PLEKHA8: variants seen among roughly 807,000 people sequenced by gnomAD.
The protein encoded by PLEKHA8 is pleckstrin homology domain-containing family A member 8.
In PLEKHA8, 36 loss-of-function variants were observed where a neutral mutation model predicts 68.2. The observed-to-expected ratio is 0.53, with a 90% CI of 0.40 to 0.70. The LOEUF (loss-of-function observed/expected upper bound fraction) is 0.70, where lower values mean the gene tolerates loss of function less well. Ranked by LOEUF, PLEKHA8 falls within the 30% of genes least tolerant of loss-of-function variation. PLEKHA8 has a pLI of 0.00. For missense variants in PLEKHA8, 505 were observed against 615.4 expected (o/e 0.82, Z 1.90); for synonymous variants, 211 against 216.1 (o/e 0.98, Z 0.20).
downstream of PLEKHA8, among the ~76,000 whole-genome samples, chr7:30,089,287 A>G (rs11982167): frequency 0.14 from 21,529 of 151,904 alleles, 1,559 homozygotes; most frequent in Middle Eastern, 0.19. Flanking sequence ...TCACTTATCC[A>G]AGTGTCTCAT....
At chr7:30,043,192 C>T (rs532176618) in intron 1 of PLEKHA8, among the ~76,000 whole-genome samples, 16 of 152,206 alleles carry the variant, frequency 1.1e-4, no homozygotes, top group South Asian at 6.2e-4. Context: ...AGATGGGTTT[C>T]GCCATTGTTG....
chr7:30,054,570 T>G, intron 7 of PLEKHA8, 139 bp from the exon 8 acceptor site: 1 of 486,904 alleles, frequency 2.1e-6, no homozygotes, highest in Non-Finnish European at 3.2e-6. Context: ...TGTAGATGTA[T>G]GTTTATGTAT....
intron 9 of PLEKHA8, among the ~76,000 whole-genome samples, chr7:30,059,017 A>T (rs1793221205): frequency 6.6e-6 from 1 of 152,212 alleles, no homozygotes; most frequent in Non-Finnish European, 1.5e-5. Context: ...GCTACTTGGG[A>T]GGCTGATGCA....
intron 9 of PLEKHA8, among the ~76,000 whole-genome samples, chr7:30,056,074 C>T (rs192033788): frequency 0.01 from 1,530 of 150,714 alleles, 17 homozygotes; most frequent in East Asian, 0.04. Flanking sequence ...TCCCGAGTAG[C>T]TGGGACTTCA....
At chr7:30,069,453 T>C (rs896398390) in intron 12 of PLEKHA8, among the ~76,000 whole-genome samples, 4 of 152,224 alleles carry the variant, frequency 2.6e-5, no homozygotes, top group Non-Finnish European at 5.9e-5. Flanking sequence ...AAAAACACTT[T>C]CCTGTATACA....
chr7:30,128,637 A>G (rs1341381164), intron 13 of PLEKHA8, among the ~76,000 whole-genome samples: 1 of 151,736 alleles, frequency 6.6e-6, no homozygotes, highest in Non-Finnish European at 1.5e-5. Context: ...CTTAGTGGTT[A>G]CCTTTGTGGC....
At chr7:30,043,706 C>G (rs1415741488) in intron 1 of PLEKHA8, among the ~76,000 whole-genome samples, 1 of 152,188 alleles carries the variant, frequency 6.6e-6, no homozygotes, top group African/African-American at 2.4e-5. Flanking sequence ...ACTATTCAGG[C>G]TTCTGATTAC....
chr7:30,051,954 C>G (rs1056929643), intron 6 of PLEKHA8, among the ~76,000 whole-genome samples: 6 of 152,116 alleles, frequency 3.9e-5, no homozygotes, highest in African/African-American at 7.2e-5. Context: ...GCCTGGGTGA[C>G]AGAGCGAGAC....
intron 1 of PLEKHA8, among the ~76,000 whole-genome samples, chr7:30,041,117 C>G: frequency 6.6e-6 from 1 of 152,142 alleles, no homozygotes; most frequent in East Asian, 1.9e-4. Flanking sequence ...TTTCCCAGCA[C>G]TGGACATTAT....
At chr7:30,096,952 C>T (rs967498011) in intron 13 of PLEKHA8, among the ~76,000 whole-genome samples, 9 of 152,148 alleles carry the variant, frequency 5.9e-5, no homozygotes, top group African/African-American at 9.7e-5. Context: ...ATGTTGGTAC[C>T]GGTGGCTGGT....
At chr7:30,059,952 G>GGTGGGCAGATGACTT in intron 9 of PLEKHA8, among the ~76,000 whole-genome samples, 2 of 152,220 alleles carry the variant, frequency 1.3e-5, no homozygotes, top group East Asian at 1.9e-4. Context: ...GGGAGGCCGA[G>GGTGGGCAGATGACTT]GCAAGTGGGT....
chr7:30,077,937 T>G (rs1307500777), intron 13 of PLEKHA8, among the ~76,000 whole-genome samples: 2 of 152,104 alleles, frequency 1.3e-5, no homozygotes, highest in Non-Finnish European at 2.9e-5. Flanking sequence ...TGATCCAAGT[T>G]CAGATCCTAG....
intron 13 of PLEKHA8, among the ~76,000 whole-genome samples, chr7:30,108,083 A>AAAAAAAAAACAAAAAAC (rs1554281878): frequency 6.9e-6 from 1 of 144,460 alleles, no homozygotes; most frequent in Non-Finnish European, 1.5e-5. Context: ...AAAAAAAAAA[A>AAAAAAAAAACAAAAAAC]AAAAAAAAAC....
exon 13 of PLEKHA8, chr7:30,090,319 T>C: frequency 9.9e-7 from 1 of 1,007,468 alleles, no homozygotes. Context: ...GGGGGAGTAT[T>C]TCCGAAGTTC....
At chr7:30,065,505 T>G (rs950798341) in intron 12 of PLEKHA8, among the ~76,000 whole-genome samples, 1 of 146,058 alleles carries the variant, frequency 6.8e-6, no homozygotes, top group African/African-American at 2.5e-5. Context: ...ACTCAGAACC[T>G]GTAGGCTCCT....
intron 13 of PLEKHA8, among the ~76,000 whole-genome samples, chr7:30,125,177 G>A (rs534159023): frequency 1.3e-5 from 2 of 152,272 alleles, no homozygotes; most frequent in African/African-American, 4.8e-5. Context: ...TTTCTTTGAT[G>A]TGTTACTATT....
chr7:30,058,132 C>T (rs1211892353), intron 9 of PLEKHA8, among the ~76,000 whole-genome samples: 1 of 152,012 alleles, frequency 6.6e-6, no homozygotes, highest in African/African-American at 2.4e-5. Flanking sequence ...ATCTTTCACC[C>T]ATTTTTAAAA....
At chr7:30,060,603 G>T (rs1020731018) in intron 9 of PLEKHA8, among the ~76,000 whole-genome samples, 1 of 152,100 alleles carries the variant, frequency 6.6e-6, no homozygotes, top group African/African-American at 2.4e-5. Context: ...TACCATATTG[G>T]ACAGTGCAGC....
chr7:30,129,226 C>A lies in PLEKHA8; in HGVS notation c.1363-40C>A, dbSNP rs766058663. The A allele has an allele frequency of 3.7e-6, 6 of 1,612,572 alleles. No individual in the cohort carries two copies. The South Asian group carries it at 6.6e-5, about 18-fold the overall frequency. The stretch of plus-strand genomic sequence containing the variant: ...GGACTAAAAGAGTAATGACAGTTGG[C>A]CTGTGTTCCTCTGTCCTTCCCTCTT... On this transcript the variant is annotated intron_variant, in intron 13 of 13. Coordinates refer to the PLEKHA8 transcript ENST00000396257.
Sources: gnomAD v4.1 joint callset for allele counts (sites outside exome capture counted in the v4.1 genomes callset) on GRCh38, gnomAD v4.1.1 for gene constraint, MANE v1.5 for transcripts, NCBI Gene and HGNC (gene_info 2026-07-23, HGNC 2026-07-21) for gene names.